The following REV1 variants were observed in gnomAD, a reference collection of about 807,000 sequenced individuals.
The protein encoded by REV1 is translesion synthesis protein REV1.
REV1 carries 42 observed loss-of-function variants against 137.4 expected under a neutral mutation model. That is an observed-to-expected ratio of 0.31 (90% CI 0.24 to 0.40). The LOEUF (loss-of-function observed/expected upper bound fraction) is 0.40, where lower values mean the gene tolerates loss of function less well. Among genes scored for constraint, REV1 ranks in the 10% least tolerant of loss-of-function variants. REV1 has a pLI of 1.00. For missense variants in REV1, 1,282 were observed against 1,490.1 expected, an observed-to-expected ratio of 0.86 and a Z score of 2.30; for synonymous variants, 524 against 519.2, an observed-to-expected ratio of 1.01 and a Z score of -0.12.
chr2:99,489,380 C>T (rs1687440339), intron 1 of REV1, among the ~76,000 whole-genome samples: 1 of 152,042 alleles, frequency 6.6e-6, no homozygotes, highest in Non-Finnish European at 1.5e-5. Context: ...CCCGAACGCG[C>T]GCGTGAATGA....
intron 17 of REV1, 110 bp from the exon 18 acceptor site, chr2:99,404,787 T>C (rs151191394): frequency 4.0e-4 from 311 of 780,102 alleles, no homozygotes; most frequent in Middle Eastern, 3.5e-3. Flanking sequence ...GGATAATCAA[T>C]GTAAGGTACA....
intron 9 of REV1, among the ~76,000 whole-genome samples, chr2:99,426,662 T>C (rs1679414793): frequency 1.3e-5 from 2 of 152,058 alleles, no homozygotes; most frequent in Non-Finnish European, 2.9e-5. Flanking sequence ...CCATAGAAAA[T>C]AAATGAGTAA....
chr2:99,431,744 T>C, intron 8 of REV1: 1 of 985,436 alleles, frequency 1.0e-6, no homozygotes, highest in Non-Finnish European at 1.2e-6. Context: ...GGCTGACCTG[T>C]TCCACAGTGC....
Position 99,406,078 on chromosome 2 carries a change from T to C in REV1, c.2643A>G (p.Ile881Met), listed in dbSNP as rs1676254323. The C allele has an allele frequency of 1.9e-6, 3 of 1,613,408 alleles. No homozygotes were observed. The highest frequency in any genetic ancestry group is 2.5e-6 in the Non-Finnish European group (3 of 1,179,816). ...EVFRAAVDLEISSASRTCTFL... is the reference protein window; with the variant it reads ...EVFRAAVDLEMSSASRTCTFL... The stretch of plus-strand genomic sequence containing the variant: ...AAGTGCAAGTTCTAGAAGCAGATGA[T>C]ATTTCCAGATCCACAGCAGCCCGAA... The change falls in exon 17 of 23, where the codon ATA becomes ATG. Residue 881 changes from isoleucine to methionine, a missense_variant. Physicochemically the swap from Ile to Met is conservative, Grantham distance 10. This residue lies in a region of REV1 where 372 missense variants were observed against 482.3 expected (regional missense o/e 0.77). Transcript: ENST00000258428.
intron 2 of REV1, 44 bp from the exon 3 acceptor site, chr2:99,462,666 T>TCTCCCCC (rs1327417775): frequency 1.3e-6 from 2 of 1,570,144 alleles, no homozygotes; most frequent in Non-Finnish European, 1.7e-6. Flanking sequence ...GGTTACATTT[T>TCTCCCCC]CTCCCCCCTT....
chr2:99,445,776 T>G (rs1055862234), intron 4 of REV1, among the ~76,000 whole-genome samples: 40 of 152,208 alleles, frequency 2.6e-4, no homozygotes, highest in Non-Finnish European at 1.2e-4. Context: ...ATGAAAGGAT[T>G]CCCTTGCCTC....
intron 14 of REV1, among the ~76,000 whole-genome samples, chr2:99,409,792 G>A (rs554470597): frequency 6.8e-6 from 1 of 146,900 alleles, no homozygotes; most frequent in African/African-American, 2.5e-5. Context: ...GCAATGAGCC[G>A]AGATCGCACC....
intron 3 of REV1, among the ~76,000 whole-genome samples, chr2:99,452,487 T>C (rs1297049465): frequency 6.6e-6 from 1 of 151,632 alleles, no homozygotes; most frequent in Non-Finnish European, 1.5e-5. Context: ...GAAAGCTATA[T>C]GACATTAAAC....
At chr2:99,421,138 G>A (rs1678611130) in intron 11 of REV1, among the ~76,000 whole-genome samples, 1 of 152,074 alleles carries the variant, frequency 6.6e-6, no homozygotes, top group Non-Finnish European at 1.5e-5. Flanking sequence ...CCGGGAGGCT[G>A]AAGTGCAGAG....
chr2:99,475,730 C>T (rs1468781734), intron 1 of REV1, among the ~76,000 whole-genome samples: 1 of 151,884 alleles, frequency 6.6e-6, no homozygotes, highest in East Asian at 1.9e-4. Flanking sequence ...CACGCCTGTA[C>T]TCCCAGCACT....
At chr2:99,484,625 G>A (rs567827752) in intron 1 of REV1, among the ~76,000 whole-genome samples, 48 of 151,848 alleles carry the variant, frequency 3.2e-4, no homozygotes, top group Admixed American at 2.2e-3. Flanking sequence ...TACGATGCAA[G>A]TCATCATCCT....
At chr2:99,439,885 A>C (rs1482839127) in intron 5 of REV1, among the ~76,000 whole-genome samples, 1 of 152,242 alleles carries the variant, frequency 6.6e-6, no homozygotes, top group Non-Finnish European at 1.5e-5. Context: ...CATTAAATCT[A>C]ATACGAAACC....
chr2:99,423,793 A>G lies in REV1; in HGVS notation c.1676+359T>C, dbSNP rs992450369. 1.2e-4 allele frequency among the ~76,000 whole-genome samples: 19 copies of G among 152,210 alleles called. 1 individual carries two copies. Among genetic ancestry groups the G allele is most frequent in the African/African-American group, 4.6e-4 (19 of 41,460 alleles). ...ATCAGTTCTAATTTTGAACAAAACT[A>G]TAATTAAAATGAAATAAAAGAGAAA... is the stretch of plus-strand genomic sequence containing the variant. On this transcript the variant is annotated intron_variant, in intron 10 of 22. Transcript: ENST00000258428.
intron 10 of REV1, among the ~76,000 whole-genome samples, chr2:99,422,044 ATGG>A (rs1325509839): frequency 6.6e-6 from 1 of 152,234 alleles, no homozygotes; most frequent in Non-Finnish European, 1.5e-5. Context: ...ATTTAATCTA[ATGG>A]TTTATGAGAA....
chr2:99,410,896 C>G, intron 13 of REV1, 29 bp from the exon 14 acceptor site: 1 of 1,555,972 alleles, frequency 6.4e-7, no homozygotes, highest in South Asian at 1.2e-5. Context: ...GGAGAAACTA[C>G]CATTCCACTT....
chr2:99,449,595 A>T, intron 3 of REV1, 91 bp from the exon 4 acceptor site: 1 of 572,418 alleles, frequency 1.7e-6, no homozygotes, highest in African/African-American at 1.9e-5. Flanking sequence ...AACTTTAAGA[A>T]TGTCATTGGT....
intron 4 of REV1, among the ~76,000 whole-genome samples, chr2:99,448,942 A>G (rs778185587): frequency 3.3e-5 from 5 of 152,234 alleles, no homozygotes; most frequent in Non-Finnish European, 5.9e-5. Flanking sequence ...TGTTTAAGAC[A>G]TTATTTTTCA....
rs1264705444 is a variant in REV1 at position 99,402,712 on chromosome 2, T to C, written c.3473A>G (p.Asn1158Ser). Residue 1158 changes from asparagine (N) to serine (S), a missense_variant, in exon 21 of 23, where the codon AAT becomes AGT. Coordinates refer to ENST00000258428, the MANE Select transcript of REV1 (RefSeq NM_016316.4). ...ATTGAATTCAACAGCTCCAGCTAGATTGGGTGCTGGAGGTCTCACACAGCC... is the reference window on the plus strand; with the variant it reads ...ATTGAATTCAACAGCTCCAGCTAGACTGGGTGCTGGAGGTCTCACACAGCC... ...PAGCVRPPAPNLAGAVEFNDV... is the reference protein window; with the variant it reads ...PAGCVRPPAPSLAGAVEFNDV... 1.9e-6 allele frequency: 3 copies of C among 1,613,818 alleles called. No homozygotes were observed. The highest frequency in any genetic ancestry group is 2.7e-5 in the African/African-American group (2 of 74,914).
chr2:99,447,276 G>A (rs781734450), intron 4 of REV1, among the ~76,000 whole-genome samples: 5 of 151,798 alleles, frequency 3.3e-5, no homozygotes, highest in African/African-American at 1.2e-4. Flanking sequence ...AGGTTCAAGC[G>A]ATTCTCCTGC....
Sources: allele counts gnomAD v4.1 joint callset (sites outside exome capture counted in the v4.1 genomes callset), GRCh38; gene constraint gnomAD v4.1.1; regional missense constraint gnomAD v4.1.1; transcripts MANE v1.5; gene names NCBI Gene and HGNC (gene_info 2026-07-23, HGNC 2026-07-21).